The following KANK1 variants were observed in gnomAD, a reference collection of about 807,000 sequenced individuals.
KANK1 encodes KN motif and ankyrin repeat domain-containing protein 1.
KANK1 carries 109 observed loss-of-function variants against 106.2 expected under a neutral mutation model. The observed-to-expected ratio is 1.03, with a 90% CI of 0.88 to 1.20. The LOEUF (loss-of-function observed/expected upper bound fraction) is 1.20. KANK1 is among the 50% of genes most tolerant of loss of function. The probability of loss-of-function intolerance (pLI) is 0.00; values close to 1 mark genes in which losing one functional copy is unlikely to be tolerated. For missense variants in KANK1, 2,399 were observed against 1,710.7 expected (o/e 1.40, Z -7.10); for synonymous variants, 873 against 652.2 (o/e 1.34, Z -5.16).
chr9:652,848 A>G (rs1841221744), intron 1 of KANK1, among the ~76,000 whole-genome samples: 1 of 152,184 alleles, frequency 6.6e-6, no homozygotes, highest in African/African-American at 2.4e-5. Context: ...TAGTACTAGT[A>G]CATGGAGAGG....
At chr9:584,892 G>C (rs1293335250) in intron 1 of KANK1, among the ~76,000 whole-genome samples, 1 of 152,176 alleles carries the variant, frequency 6.6e-6, no homozygotes, top group African/African-American at 2.4e-5. Flanking sequence ...TTCTTGGCAG[G>C]AAGTCTCTGC....
chr9:663,178 G>C (rs1448764400), intron 1 of KANK1, among the ~76,000 whole-genome samples: 1 of 151,652 alleles, frequency 6.6e-6, no homozygotes, highest in Admixed American at 6.6e-5. Flanking sequence ...AATGAGAACT[G>C]TACATTTAAA....
intron 1 of KANK1, among the ~76,000 whole-genome samples, chr9:648,104 A>G (rs548403174): frequency 1.3e-5 from 2 of 149,200 alleles, no homozygotes; most frequent in Non-Finnish European, 2.9e-5. Flanking sequence ...CCCGGGTTCA[A>G]GCAATTCTCC....
At chr9:512,646 C>A (rs780456097) in intron 1 of KANK1, among the ~76,000 whole-genome samples, 10 of 152,108 alleles carry the variant, frequency 6.6e-5, no homozygotes, top group African/African-American at 9.7e-5. Flanking sequence ...TTAATAACTT[C>A]CCTTTTGCCA....
Position 618,094 on chromosome 9 carries a change from T to C in KANK1, c.-83-58796T>C, listed in dbSNP as rs1467964145. ...TTCAGTAGTACCCACGGAATTCTGCTTCCTTTAGGTAAGGAAAAGTATTCC... is the reference window on the plus strand; with the variant it reads ...TTCAGTAGTACCCACGGAATTCTGCCTCCTTTAGGTAAGGAAAAGTATTCC... On this transcript the variant is annotated intron_variant, in intron 1 of 11. Coordinates refer to ENST00000382297, the MANE Select transcript of KANK1 (RefSeq NM_015158.5). 3.3e-5 allele frequency among the ~76,000 whole-genome samples: 5 copies of C among 152,336 alleles called. No individual in the cohort carries two copies. The East Asian group carries it at 9.6e-4, about 29-fold the overall frequency.
rs561194460 is a variant in KANK1 at position 527,378 on chromosome 9, G to A, written c.-84+22624G>A. Among the ~76,000 whole-genome samples the A allele has an allele frequency of 2.6e-4, 39 of 151,710 alleles. No individual in the cohort carries two copies. The East Asian group carries it at 4.8e-3, about 19-fold the overall frequency. On this transcript the variant is annotated intron_variant, in intron 1 of 11. Coordinates refer to ENST00000382297, the MANE Select transcript of KANK1 (RefSeq NM_015158.5). ...GTGCAGTGGCGCGATCTTGGCTCGC[G>A]GCAGCCTACGCCACCCAGTTTGAAG... is the stretch of plus-strand genomic sequence containing the variant.
intron 2 of KANK1, among the ~76,000 whole-genome samples, chr9:700,513 C>G (rs1822397636): frequency 6.6e-6 from 1 of 152,196 alleles, no homozygotes; most frequent in African/African-American, 2.4e-5. Context: ...TTCATGAGAA[C>G]TTGCCTCTCT....
intron 3 of KANK1, among the ~76,000 whole-genome samples, chr9:491,209 C>A (rs2131779): frequency 0.15 from 23,045 of 151,706 alleles, 2,374 homozygotes; most frequent in East Asian, 0.45. Flanking sequence ...AATCCTCCTA[C>A]CTCGGCCTCC....
rs575070615 is a variant in KANK1 at position 591,376 on chromosome 9, CTCTT to C, written c.-83-85511_-83-85508del. Among the ~76,000 whole-genome samples the C allele has an allele frequency of 3.6e-3, 551 of 151,868 alleles. 14 individuals are homozygous for C. The highest frequency in any genetic ancestry group is 0.012 in the African/African-American group (503 of 41,184). Reference sequence around the variant, plus strand: ...TCAGTTCTTTACATAGCAGAGTAATCTCTTTCAAGTGTGATCACATCTTGGCATA... The same window carrying C: ...TCAGTTCTTTACATAGCAGAGTAATCTCAAGTGTGATCACATCTTGGCATA... On this transcript the variant is annotated intron_variant, in intron 1 of 11. Transcript: ENST00000382297.
intron 1 of KANK1, among the ~76,000 whole-genome samples, chr9:570,934 A>AT (rs1189283162): frequency 1.3e-5 from 2 of 152,146 alleles, no homozygotes; most frequent in Non-Finnish European, 2.9e-5. Flanking sequence ...TCTGTGTGGA[A>AT]TTTTTTTGAA....
chr9:477,074 G>A (rs945699506), intron 3 of KANK1, among the ~76,000 whole-genome samples: 4 of 152,108 alleles, frequency 2.6e-5, no homozygotes, highest in Non-Finnish European at 5.9e-5. Context: ...ATAAACAATC[G>A]TTACTTTCAT....
At chr9:580,675 T>G (rs1821854452) in intron 1 of KANK1, among the ~76,000 whole-genome samples, 2 of 152,250 alleles carry the variant, frequency 1.3e-5, no homozygotes, top group Non-Finnish European at 2.9e-5. Context: ...GTTCTCCAAG[T>G]GCCCACTAGA....
rs781117909 is a variant in KANK1, at chr9:711,730, C to T, written c.964C>T (p.Arg322Trp). 1.4e-5 allele frequency: 23 copies of T among 1,614,060 alleles called. No individual in the cohort carries two copies. Among genetic ancestry groups the T allele is most frequent in the South Asian group, 8.8e-5 (8 of 91,090 alleles). Reference protein sequence around the residue: ...SQINVCGVRKRSYSAGNASQL... With the variant: ...SQINVCGVRKWSYSAGNASQL... ...GATCAATGTCTGTGGTGTGAGGAAGCGGTCCTATAGTGCGGGGAACGCCTC... is the reference window on the plus strand; with the variant it reads ...GATCAATGTCTGTGGTGTGAGGAAGTGGTCCTATAGTGCGGGGAACGCCTC... Residue 322 changes from arginine to tryptophan, a missense_variant, in exon 3 of 12, where the codon CGG becomes TGG. Physicochemically the swap from Arg to Trp is moderately radical, Grantham distance 101 (BLOSUM62 -3). Transcript: ENST00000382297.
At chr9:472,331 T>C (rs2058036784) in intron 2 of KANK1, among the ~76,000 whole-genome samples, 1 of 152,198 alleles carries the variant, frequency 6.6e-6, no homozygotes, top group Non-Finnish European at 1.5e-5. Flanking sequence ...TTTCCTAAGA[T>C]GGGGTTATGC....
intron 8 of KANK1, 127 bp downstream of exon 8, chr9:738,631 C>G (rs1256163363): frequency 7.0e-6 from 5 of 717,168 alleles, no homozygotes; most frequent in Non-Finnish European, 1.2e-5. Flanking sequence ...TGCTTTTCCA[C>G]ATGACATGGC....
intron 3 of KANK1, among the ~76,000 whole-genome samples, chr9:478,709 CTT>C (rs933436243): frequency 3.9e-5 from 6 of 152,202 alleles, no homozygotes; most frequent in African/African-American, 9.6e-5. Context: ...AAACCAAACT[CTT>C]TACACCAAAA....
chr9:504,488 C>T (rs371688647), upstream of KANK1, among the ~76,000 whole-genome samples: 20 of 151,542 alleles, frequency 1.3e-4, no homozygotes, highest in East Asian at 2.4e-3. Context: ...GTCCTCTGGG[C>T]GGAGGGAGCA....
chr9:664,719 A>G (rs1844169612), intron 1 of KANK1, among the ~76,000 whole-genome samples: 1 of 152,160 alleles, frequency 6.6e-6, no homozygotes, highest in Non-Finnish European at 1.5e-5. Flanking sequence ...ATCATATAGT[A>G]TTCTACTTTT....
chr9:615,383 A>G (rs1472311543), intron 1 of KANK1, among the ~76,000 whole-genome samples: 2 of 152,120 alleles, frequency 1.3e-5, no homozygotes, highest in African/African-American at 4.8e-5. Context: ...TTTTGCTAGA[A>G]TTCCCTCTTT....
Sources: allele counts gnomAD v4.1 joint callset (sites outside exome capture counted in the v4.1 genomes callset), GRCh38; gene constraint gnomAD v4.1.1; transcripts MANE v1.5; gene names NCBI Gene and HGNC (gene_info 2026-07-23, HGNC 2026-07-21).